Variants in CFAP20DC observed in about 807,000 individuals in gnomAD.
The protein encoded by CFAP20DC is CFAP20 domain containing.
A neutral mutation model predicts 101.7 loss-of-function variants in CFAP20DC; 84 were observed. That is an observed-to-expected ratio of 0.83 (90% CI 0.69 to 0.99). CFAP20DC has a LOEUF of 0.99. Among genes scored for constraint, CFAP20DC ranks in the 50% least tolerant of loss-of-function variants. The pLI, the probability that CFAP20DC is intolerant of heterozygous loss-of-function variation, is 0.00. For synonymous variants in CFAP20DC, 359 were observed against 351.2 expected (o/e 1.02, Z -0.25); for missense variants, 1,007 against 970.3 (o/e 1.04, Z -0.50).
intron 6 of CFAP20DC, among the ~76,000 whole-genome samples, chr3:58,890,762 A>G: frequency 6.7e-6 from 1 of 149,220 alleles, no homozygotes; most frequent in South Asian, 2.1e-4. Context: ...GCGGCCGGGC[A>G]GAGGCGCTCC....
chr3:58,990,754 G>GGTGTGTGTGTGTGTGTGTGT (rs71091398), intron 4 of CFAP20DC, among the ~76,000 whole-genome samples: 120 of 144,026 alleles, frequency 8.3e-4, no homozygotes, highest in African/African-American at 2.8e-3. Context: ...ATGCTCAGCT[G>GGTGTGTGTGTGTGTGTGTGT]GTGTGTGTGT....
rs528974551 is a variant in CFAP20DC at position 58,799,306 on chromosome 3, G to C, written c.2237+7089C>G. The stretch of plus-strand genomic sequence containing the variant: ...CACACTAATTCAATTTTAGAAAACT[G>C]TCTCTATTTAAAGGTGTAAAATGAT... On this transcript the variant is annotated intron_variant, in intron 15 of 16. Transcript: ENST00000482387. The surrounding 1 kb of genome is among the most constrained non-coding windows in gnomAD (Gnocchi z 4.9). 4.2e-4 allele frequency among the ~76,000 whole-genome samples: 64 copies of C among 152,090 alleles called. No individual in the cohort carries two copies. The highest frequency in any genetic ancestry group is 1.2e-3 in the African/African-American group (51 of 41,406).
intron 15 of CFAP20DC, among the ~76,000 whole-genome samples, chr3:58,804,009 G>T (rs73837967): frequency 0.12 from 18,284 of 152,058 alleles, 1,983 homozygotes; most frequent in East Asian, 0.35. Context: ...CAATTATCTA[G>T]CCAATATTTA....
intron 6 of CFAP20DC, among the ~76,000 whole-genome samples, chr3:58,909,026 A>G (rs1241393819): frequency 1.3e-5 from 2 of 152,180 alleles, no homozygotes; most frequent in Non-Finnish European, 2.9e-5. Context: ...GGAGCACAGA[A>G]GACCTTTAGG....
intron 6 of CFAP20DC, among the ~76,000 whole-genome samples, chr3:58,895,959 C>G (rs2082638079): frequency 6.6e-6 from 1 of 152,178 alleles, no homozygotes; most frequent in South Asian, 2.1e-4. Flanking sequence ...CAAGAACGAC[C>G]TGCCCCCATG....
rs2085499052 is a variant in CFAP20DC, at chr3:58,922,523, A to C, written c.394-8659T>G. Among the ~76,000 whole-genome samples the C allele has an allele frequency of 2.0e-5, 3 of 152,142 alleles. No individual in the cohort carries two copies. The South Asian group carries it at 6.2e-4, about 32-fold the overall frequency. ...GAATGAGTTCTCACTCTTAGTTCTCATGAGAACTGGTTGATGAAAAGAGTC... is the reference window on the plus strand; with the variant it reads ...GAATGAGTTCTCACTCTTAGTTCTCCTGAGAACTGGTTGATGAAAAGAGTC... On this transcript the variant is annotated intron_variant, in intron 5 of 16. Transcript: ENST00000482387.
chr3:58,782,007 A>C (rs2071875507), intron 15 of CFAP20DC, among the ~76,000 whole-genome samples: 1 of 152,146 alleles, frequency 6.6e-6, no homozygotes, highest in South Asian at 2.1e-4. Context: ...CGTGATGAAT[A>C]TAGATGCAAA....
chr3:58,821,034 G>A (rs1364620084), intron 14 of CFAP20DC, among the ~76,000 whole-genome samples: 18 of 151,860 alleles, frequency 1.2e-4, no homozygotes, highest in Middle Eastern at 6.8e-3. Context: ...AGAAAAACAA[G>A]CAATGGGGAA....
intron 4 of CFAP20DC, among the ~76,000 whole-genome samples, chr3:59,031,876 T>C (rs1465513520): frequency 2.0e-5 from 3 of 152,188 alleles, no homozygotes; most frequent in African/African-American, 4.8e-5. Flanking sequence ...GTAAAAGTAG[T>C]ATAAAATCAT....
chr3:59,033,991 C>A (rs1354083669), intron 4 of CFAP20DC, among the ~76,000 whole-genome samples: 1 of 152,178 alleles, frequency 6.6e-6, no homozygotes, highest in Non-Finnish European at 1.5e-5. Context: ...ATCAGACTAA[C>A]AATGGATCTC....
chr3:58,855,951 A>T (rs554214009), intron 12 of CFAP20DC, among the ~76,000 whole-genome samples: 67 of 151,698 alleles, frequency 4.4e-4, no homozygotes, highest in African/African-American at 1.4e-3. Context: ...TAACCTGCAC[A>T]ATGTGCACAT....
chr3:58,790,088 C>T (rs555980403), intron 15 of CFAP20DC, among the ~76,000 whole-genome samples: 12 of 152,208 alleles, frequency 7.9e-5, no homozygotes, highest in South Asian at 2.1e-4. Flanking sequence ...ATGCACAAAT[C>T]ATAGCTGTAT....
At chr3:58,872,351 G>T (rs1245337320) in intron 7 of CFAP20DC, among the ~76,000 whole-genome samples, 1 of 151,134 alleles carries the variant, frequency 6.6e-6, no homozygotes, top group African/African-American at 2.5e-5. Context: ...CATGTAGGGG[G>T]ATTAAAAACC....
At chr3:58,836,148 G>A (rs574223431) in intron 13 of CFAP20DC, among the ~76,000 whole-genome samples, 2 of 152,246 alleles carry the variant, frequency 1.3e-5, no homozygotes, top group African/African-American at 4.8e-5. Context: ...CTACACCAGT[G>A]AAGTTACAAA....
intron 14 of CFAP20DC, among the ~76,000 whole-genome samples, chr3:58,820,825 CG>C (rs2075578749): frequency 6.7e-6 from 1 of 148,536 alleles, no homozygotes; most frequent in Non-Finnish European, 1.5e-5. Flanking sequence ...AAAAAGAGCC[CG>C]CATCGCCAAG....
At chr3:58,890,923 C>G (rs1324212244) in intron 6 of CFAP20DC, among the ~76,000 whole-genome samples, 80 of 140,706 alleles carry the variant, frequency 5.7e-4, no homozygotes, top group Middle Eastern at 3.6e-3. Flanking sequence ...CGGGCGGAGA[C>G]GCTCCTCACT....
At chr3:58,967,937 C>T (rs2091687006) in intron 4 of CFAP20DC, among the ~76,000 whole-genome samples, 1 of 152,170 alleles carries the variant, frequency 6.6e-6, no homozygotes, top group African/African-American at 2.4e-5. Context: ...ATTTAGCTCC[C>T]ACTTATAAGT....
intron 6 of CFAP20DC, among the ~76,000 whole-genome samples, chr3:58,885,880 C>G (rs1209393980): frequency 6.6e-6 from 1 of 151,982 alleles, no homozygotes; most frequent in Admixed American, 6.6e-5. Flanking sequence ...TATGTTGATT[C>G]TGTATCTCAG....
In CFAP20DC at chr3:58,884,746, A is replaced by G. The variant is rs767764510; in HGVS notation, c.551-37T>C. The stretch of plus-strand genomic sequence containing the variant: ...GACAAACATTCATTTTCAAAATGTA[A>G]GCCATTTCTGCCAAATGGACCTATC... On this transcript the variant is annotated intron_variant, in intron 6 of 16. Transcript: ENST00000482387. The G allele has an allele frequency of 6.4e-6, 10 of 1,560,868 alleles. No individual in the cohort carries two copies. The Admixed American group carries it at 1.4e-4, about 22-fold the overall frequency.
Sources: allele counts gnomAD v4.1 joint callset (sites outside exome capture counted in the v4.1 genomes callset), GRCh38; gene constraint gnomAD v4.1.1; non-coding constraint Gnocchi (gnomAD v3.1); transcripts MANE v1.5; gene names NCBI Gene and HGNC (gene_info 2026-07-23, HGNC 2026-07-21).